PKHD1: variants seen among roughly 807,000 people sequenced by gnomAD.
PKHD1 encodes PKHD1 ciliary IPT domain containing fibrocystin/polyductin.
A neutral mutation model predicts 412.0 loss-of-function variants in PKHD1; 291 were observed. That is an observed-to-expected ratio of 0.71 (90% CI 0.64 to 0.78). The LOEUF (loss-of-function observed/expected upper bound fraction) is 0.78. Ranked by LOEUF, PKHD1 falls within the 30% of genes least tolerant of loss-of-function variation. The pLI is 0.00. For missense variants in PKHD1, 4,825 were observed against 4,950.7 expected (o/e 0.97, Z 0.76); for synonymous variants, 1,777 against 1,821.5 (o/e 0.98, Z 0.62).
At chr6:52,037,767 T>C (rs1020749620) in intron 27 of PKHD1, among the ~76,000 whole-genome samples, 1 of 152,246 alleles carries the variant, frequency 6.6e-6, no homozygotes, top group South Asian at 2.1e-4. Flanking sequence ...CTAAAGAGAA[T>C]CTTTTGATAT....
intron 51 of PKHD1, among the ~76,000 whole-genome samples, chr6:51,831,906 A>G (rs1768322824): frequency 6.6e-6 from 1 of 152,142 alleles, no homozygotes; most frequent in Non-Finnish European, 1.5e-5. Context: ...ATGCTGAACC[A>G]TATCTACTTG....
intron 49 of PKHD1, among the ~76,000 whole-genome samples, chr6:51,850,555 C>G (rs1040904838): frequency 6.6e-6 from 1 of 152,058 alleles, no homozygotes. Context: ...TGTTTGTGTC[C>G]TCTCTTATTT....
At chr6:51,985,535 C>T (rs1796094771) in intron 35 of PKHD1, among the ~76,000 whole-genome samples, 2 of 152,158 alleles carry the variant, frequency 1.3e-5, no homozygotes, top group African/African-American at 4.8e-5. Context: ...TCGAGACCCA[C>T]CTGGCCAACG....
intron 27 of PKHD1, among the ~76,000 whole-genome samples, chr6:52,040,488 A>C (rs1035526553): frequency 6.6e-6 from 1 of 152,006 alleles, no homozygotes. Context: ...GAAATCCTCC[A>C]ATGGCCACCA....
intron 60 of PKHD1, among the ~76,000 whole-genome samples, chr6:51,686,379 G>A (rs1212409692): frequency 6.6e-6 from 1 of 152,076 alleles, no homozygotes; most frequent in South Asian, 2.1e-4. Context: ...TGACTTCCTT[G>A]CTAATCCTCA....
chr6:51,955,454 G>A (rs1003138649), intron 36 of PKHD1, among the ~76,000 whole-genome samples: 1 of 151,946 alleles, frequency 6.6e-6, no homozygotes, highest in African/African-American at 2.4e-5. Context: ...TACTATATAA[G>A]TAATATGTGT....
At chr6:51,941,222 T>C (rs1173200122) in intron 36 of PKHD1, among the ~76,000 whole-genome samples, 1 of 143,766 alleles carries the variant, frequency 7.0e-6, no homozygotes, top group Non-Finnish European at 1.5e-5. Context: ...ATCACTCACC[T>C]GTTACAGCAT....
At chr6:51,752,981 A>G (rs1201019740) in intron 57 of PKHD1, among the ~76,000 whole-genome samples, 1 of 152,182 alleles carries the variant, frequency 6.6e-6, no homozygotes, top group Admixed American at 6.6e-5. Context: ...CTTTGAGGTA[A>G]AATGTGCATA....
rs189507849 is a variant in PKHD1 at position 51,728,203 on chromosome 6, C to A, written c.10156+16182G>T. 6.7e-3 allele frequency among the ~76,000 whole-genome samples: 1,013 copies of A among 152,266 alleles called. 8 individuals carry two copies. Among genetic ancestry groups the A allele is most frequent in the Non-Finnish European group, 0.011 (738 of 68,030 alleles). On this transcript the variant is annotated intron_variant, in intron 60 of 66. Transcript: ENST00000371117. ...AACAAAAGATTGCTTAAAGATGGAA[C>A]CCACTCCCAGATGATGAGTGACTAC... is the stretch of plus-strand genomic sequence containing the variant.
chr6:52,030,698 A>AG (rs1422245151), intron 29 of PKHD1, among the ~76,000 whole-genome samples: 2 of 151,322 alleles, frequency 1.3e-5, no homozygotes, highest in South Asian at 4.2e-4. Flanking sequence ...AAGATGAGAG[A>AG]GGGGGGTTCT....
chr6:51,929,281 G>A (rs1263291442), intron 37 of PKHD1, among the ~76,000 whole-genome samples: 3 of 152,102 alleles, frequency 2.0e-5, no homozygotes, highest in African/African-American at 4.8e-5. Context: ...ATGCAGAGAG[G>A]CCCTGGACAC....
chr6:51,928,466 C>T (rs1047853611), intron 37 of PKHD1, among the ~76,000 whole-genome samples: 1 of 152,010 alleles, frequency 6.6e-6, no homozygotes, highest in Non-Finnish European at 1.5e-5. Flanking sequence ...CAAATTTACA[C>T]ACCACATCAG....
chr6:51,881,045 C>T (rs1367544769), intron 46 of PKHD1, among the ~76,000 whole-genome samples: 2 of 148,200 alleles, frequency 1.3e-5, no homozygotes, highest in African/African-American at 4.9e-5. Flanking sequence ...AGTCCCATAA[C>T]CACAGAGGTC....
chr6:51,667,642 A>T (rs375287632), intron 60 of PKHD1, among the ~76,000 whole-genome samples: 1 of 151,098 alleles, frequency 6.6e-6, no homozygotes, highest in Non-Finnish European at 1.5e-5. Flanking sequence ...CTGAATGGTA[A>T]TGCCTAGGTT....
intron 64 of PKHD1, among the ~76,000 whole-genome samples, chr6:51,634,886 A>C (rs1056888754): frequency 2.0e-4 from 30 of 152,180 alleles, no homozygotes; most frequent in African/African-American, 7.0e-4. Context: ...GAACATTCTG[A>C]AGGCATGAAG....
chr6:51,622,633 A>G (rs1343427886), intron 66 of PKHD1: 1 of 152,224 alleles, frequency 6.6e-6, no homozygotes, highest in Non-Finnish European at 1.5e-5. Context: ...TAAGCAATGT[A>G]TGACAATTGA....
At chr6:51,805,263 C>T (rs1763587561) in intron 52 of PKHD1, among the ~76,000 whole-genome samples, 1 of 152,164 alleles carries the variant, frequency 6.6e-6, no homozygotes, top group Admixed American at 6.5e-5. Flanking sequence ...TTATCTTAAA[C>T]AAATTAACAC....
chr6:51,753,350 C>G lies in PKHD1; in HGVS notation c.8801G>C (p.Ser2934Thr), dbSNP rs756322659. The change falls in exon 57 of 67, where the codon AGT (serine) becomes ACT (threonine). Residue 2934 changes from serine to threonine, a missense_variant. Transcript: ENST00000371117. ...YERLKHRHIG[S>T]VHVTEDGRHI... is the part of the protein sequence containing the mutation. ...TCGGCCATCCTCCGTGACATGTACA[C>G]TTCCTGGGGCAATAGGAGTTGTGGG... The G allele has an allele frequency of 6.2e-7, 1 of 1,613,438 alleles. No homozygotes were observed. The highest frequency in any genetic ancestry group is 8.5e-7 in the Non-Finnish European group (1 of 1,179,566).
At chr6:51,638,581 A>T (rs1055993975) in intron 64 of PKHD1, among the ~76,000 whole-genome samples, 2 of 152,158 alleles carry the variant, frequency 1.3e-5, no homozygotes, top group African/African-American at 4.8e-5. Flanking sequence ...AATTAAAGAA[A>T]AAAACAAGTA....
Sources: allele counts gnomAD v4.1 joint callset (sites outside exome capture counted in the v4.1 genomes callset), GRCh38; gene constraint gnomAD v4.1.1; transcripts MANE v1.5; gene names NCBI Gene and HGNC (gene_info 2026-07-23, HGNC 2026-07-21).